NKAIN3: variants seen among roughly 807,000 people sequenced by gnomAD.
NKAIN3 encodes sodium/potassium transporting ATPase interacting 3, also known as sodium/potassium-transporting ATPase subunit beta-1-interacting protein 3.
NKAIN3 carries 25 observed loss-of-function variants against 30.2 expected under a neutral mutation model. The observed-to-expected ratio is 0.83, with a 90% confidence interval of 0.60 to 1.16. The LOEUF is 1.16. Ranked by LOEUF, NKAIN3 falls within the 50% of genes most tolerant of loss-of-function variation. The pLI is 0.00. For synonymous variants in NKAIN3, 91 were observed against 89.6 expected (o/e 1.02, Z -0.09); for missense variants, 225 against 254.1 (o/e 0.89, Z 0.78).
intron 1 of NKAIN3, among the ~76,000 whole-genome samples, chr8:62,281,909 A>T (rs1323936248): frequency 6.6e-6 from 1 of 151,478 alleles, no homozygotes; most frequent in Non-Finnish European, 1.5e-5. Flanking sequence ...GACAAAAACA[A>T]TTTTTTTTTA....
chr8:62,543,533 A>G (rs1808910089), intron 1 of NKAIN3, among the ~76,000 whole-genome samples: 1 of 152,110 alleles, frequency 6.6e-6, no homozygotes, highest in Non-Finnish European at 1.5e-5. Flanking sequence ...TTTGCAGAAC[A>G]CCTTTGGAAT....
At chr8:62,563,373 AT>A (rs1406298325) in intron 1 of NKAIN3, among the ~76,000 whole-genome samples, 1 of 152,030 alleles carries the variant, frequency 6.6e-6, no homozygotes, top group Non-Finnish European at 1.5e-5. Context: ...CCTTTTGCCT[AT>A]TTTTTGTGAC....
At chr8:62,671,634 C>T (rs1813305594) in intron 3 of NKAIN3, among the ~76,000 whole-genome samples, 1 of 151,984 alleles carries the variant, frequency 6.6e-6, no homozygotes, top group Admixed American at 6.6e-5. Flanking sequence ...TTAAATAATA[C>T]AGAAGGATTT....
At chr8:62,938,861 G>T (rs760645083) in intron 5 of NKAIN3, among the ~76,000 whole-genome samples, 12 of 152,114 alleles carry the variant, frequency 7.9e-5, no homozygotes, top group Non-Finnish European at 1.8e-4. Context: ...ACCACCAAAA[G>T]ATCACACTAG....
At chr8:62,816,570 A>G (rs1818687787) in intron 4 of NKAIN3, among the ~76,000 whole-genome samples, 1 of 152,112 alleles carries the variant, frequency 6.6e-6, no homozygotes, top group Non-Finnish European at 1.5e-5. Context: ...TACATACATT[A>G]GCTCCTTCTG....
Position 62,971,386 on chromosome 8 carries a change from C to T in NKAIN3, c.*5979C>T, listed in dbSNP as rs1457337479. ...ACATGGTGGCTTATGCCTGTAATTTCAGCAATTTGGAAGGCCAAGGCGTGC... is the reference window on the plus strand; with the variant it reads ...ACATGGTGGCTTATGCCTGTAATTTTAGCAATTTGGAAGGCCAAGGCGTGC... On this transcript the variant is annotated 3_prime_UTR_variant, in exon 7 of 7. Coordinates refer to ENST00000623646, the MANE Select transcript of NKAIN3 (RefSeq NM_001304533.3). 5.9e-5 allele frequency among the ~76,000 whole-genome samples: 9 copies of T among 152,142 alleles called. No homozygotes were observed. The highest frequency in any genetic ancestry group is 8.8e-5 in the Non-Finnish European group (6 of 68,014).
chr8:62,254,153 CGTGTGT>C (rs10629239), intron 1 of NKAIN3, among the ~76,000 whole-genome samples: 15,805 of 136,922 alleles, frequency 0.12, 947 homozygotes, highest in Admixed American at 0.15. Context: ...GCTTGGGTAT[CGTGTGT>C]GTGTGTGTGT....
At chr8:62,335,881 A>AT (rs1815534486) in intron 1 of NKAIN3, among the ~76,000 whole-genome samples, 2 of 152,170 alleles carry the variant, frequency 1.3e-5, no homozygotes, top group South Asian at 4.1e-4. Flanking sequence ...TGGTTCTGAC[A>AT]TAGTCCTTTT....
chr8:62,257,955 A>T (rs115008179), intron 1 of NKAIN3, among the ~76,000 whole-genome samples: 2,203 of 152,198 alleles, frequency 0.014, 49 homozygotes, highest in African/African-American at 0.048. Context: ...ATATCATAAG[A>T]TTTTGGGAAA....
intron 5 of NKAIN3, among the ~76,000 whole-genome samples, chr8:62,922,217 C>T (rs750176108): frequency 9.9e-5 from 15 of 152,224 alleles, no homozygotes; most frequent in South Asian, 4.1e-4. Flanking sequence ...GCGTAACTAT[C>T]GGAAAAACAT....
intron 1 of NKAIN3, among the ~76,000 whole-genome samples, chr8:62,392,954 T>A (rs540398261): frequency 1.6e-4 from 24 of 152,220 alleles, no homozygotes; most frequent in African/African-American, 5.5e-4. Context: ...ATGTTGATAA[T>A]GTGCAGAAGT....
At chr8:62,413,921 C>T (rs1187723365) in intron 1 of NKAIN3, among the ~76,000 whole-genome samples, 1 of 151,804 alleles carries the variant, frequency 6.6e-6, no homozygotes, top group East Asian at 1.9e-4. Context: ...TTTTTTTAAA[C>T]TGTTTCTCAT....
intron 1 of NKAIN3, among the ~76,000 whole-genome samples, chr8:62,520,668 A>G (rs1301748431): frequency 6.6e-6 from 1 of 152,116 alleles, no homozygotes; most frequent in Non-Finnish European, 1.5e-5. Context: ...CTACAGGTTT[A>G]ATATCTAAAT....
chr8:62,483,581 G>A (rs531005361), intron 1 of NKAIN3: 12 of 173,088 alleles, frequency 6.9e-5, no homozygotes, highest in Non-Finnish European at 7.5e-5. Context: ...GTCGATGTTC[G>A]GGTGATAGAT....
intron 1 of NKAIN3, among the ~76,000 whole-genome samples, chr8:62,447,439 A>G (rs1279691848): frequency 6.6e-6 from 1 of 152,066 alleles, no homozygotes; most frequent in Non-Finnish European, 1.5e-5. Context: ...TATTATTTAA[A>G]GAAATGATAA....
intron 1 of NKAIN3, among the ~76,000 whole-genome samples, chr8:62,323,393 C>T (rs2129589580): frequency 6.6e-6 from 1 of 152,180 alleles, no homozygotes; most frequent in Non-Finnish European, 1.5e-5. Flanking sequence ...AATATTGAGG[C>T]ACGGGAAAGT....
chr8:62,324,801 T>C (rs577237292), intron 1 of NKAIN3, among the ~76,000 whole-genome samples: 1 of 152,262 alleles, frequency 6.6e-6, no homozygotes, highest in South Asian at 2.1e-4. Context: ...CCCGTGAGAA[T>C]GAAATGTAAC....
chr8:62,838,121 A>G (rs1263074362), intron 4 of NKAIN3, among the ~76,000 whole-genome samples: 1 of 120,698 alleles, frequency 8.3e-6, no homozygotes, highest in African/African-American at 3.1e-5. Context: ...ACTCTGAACA[A>G]TACCGCTCTG....
At chr8:62,312,722 T>C (rs757287094) in intron 1 of NKAIN3, among the ~76,000 whole-genome samples, 17 of 150,688 alleles carry the variant, frequency 1.1e-4, no homozygotes, top group Admixed American at 2.0e-4. Context: ...GAGGTTGAGG[T>C]GGGAGGATCA....
Sources: gnomAD v4.1 joint callset for allele counts (sites outside exome capture counted in the v4.1 genomes callset) on GRCh38, gnomAD v4.1.1 for gene constraint, MANE v1.5 for transcripts, NCBI Gene and HGNC (gene_info 2026-07-23, HGNC 2026-07-21) for gene names.